NBAS: variants seen among roughly 807,000 people sequenced by gnomAD.
NBAS encodes the protein NAG/BC035112 fusion.
In NBAS, 219 loss-of-function variants were observed where a neutral mutation model predicts 302.5. The observed-to-expected ratio is 0.72, with a 90% CI of 0.65 to 0.81. The LOEUF is 0.81. Among genes scored for constraint, NBAS ranks in the 30% least tolerant of loss-of-function variants. NBAS has a pLI of 0.00. For missense variants in NBAS, 2,932 were observed against 2,841.6 expected, an observed-to-expected ratio of 1.03 and a Z score of -0.72; for synonymous variants, 1,118 against 1,021.6, an observed-to-expected ratio of 1.09 and a Z score of -1.80.
intron 44 of NBAS, among the ~76,000 whole-genome samples, chr2:15,269,986 A>G (rs1486733174): frequency 6.6e-6 from 1 of 152,184 alleles, no homozygotes; most frequent in Non-Finnish European, 1.5e-5. Context: ...CAAAACAACA[A>G]CAGACTGAAT....
chr2:15,316,728 G>A (rs1249313945), intron 38 of NBAS, among the ~76,000 whole-genome samples: 4 of 152,294 alleles, frequency 2.6e-5, no homozygotes, highest in East Asian at 1.9e-4. Context: ...CAGGAAGCGC[G>A]AAGTGGGAGG....
At chr2:15,528,589 C>T (rs766280217) in intron 9 of NBAS, among the ~76,000 whole-genome samples, 2 of 149,582 alleles carry the variant, frequency 1.3e-5, no homozygotes, top group Non-Finnish European at 3.0e-5. Flanking sequence ...ATACACTGGC[C>T]GGGCGTGGTG....
chr2:15,292,507 T>C (rs777646898), intron 41 of NBAS, 30 bp downstream of exon 41: 1 of 1,603,036 alleles, frequency 6.2e-7, no homozygotes, highest in Non-Finnish European at 8.5e-7. Flanking sequence ...TTTAAATCCA[T>C]CCCCTTATGA....
At chr2:15,318,580 G>C (rs549862319) in intron 38 of NBAS, among the ~76,000 whole-genome samples, 105 of 151,884 alleles carry the variant, frequency 6.9e-4, no homozygotes, top group Middle Eastern at 3.4e-3. Context: ...AAGCAAAAAA[G>C]AAAAGCAGGG....
the NBAS span, among the ~76,000 whole-genome samples, chr2:15,073,518 G>A: frequency 6.6e-6 from 1 of 151,662 alleles, no homozygotes; most frequent in African/African-American, 2.4e-5. Context: ...ACCAGTACAG[G>A]GGAAGGCATC....
chr2:14,910,276 C>T, the NBAS span, among the ~76,000 whole-genome samples: 3 of 152,112 alleles, frequency 2.0e-5, no homozygotes, highest in African/African-American at 7.2e-5. Context: ...GCAAAGAGGA[C>T]CAGTTGCCCA....
At position 15,473,252 on chromosome 2, in the gene NBAS, C is replaced by A; in HGVS notation, c.1695G>T (p.Ala565=). The change falls in exon 16 of 52, where the codon GCG becomes GCT. Residue 565 remains alanine, a synonymous_variant. Transcript: ENST00000281513. ...LVYQRQWRKS[A]VNVASIQNYL... is the part of the protein sequence containing the mutation. The stretch of plus-strand genomic sequence containing the variant: ...AATTCTGAATTGAAGCAACGTTGAC[C>A]GCTGACTTCCTCCACTGCCTCTGAT... The A allele has an allele frequency of 1.2e-6, 2 of 1,614,008 alleles. No individual in the cohort carries two copies. The highest frequency in any genetic ancestry group is 2.2e-5 in the South Asian group (2 of 91,078).
the NBAS span, among the ~76,000 whole-genome samples, chr2:14,902,938 G>A: frequency 6.6e-6 from 1 of 152,148 alleles, no homozygotes; most frequent in Non-Finnish European, 1.5e-5. Flanking sequence ...AGAATAGGCA[G>A]TCACATGGGT....
rs1266604516 is a variant in NBAS, at chr2:15,555,721, G to T, written c.209+1062C>A. 2.0e-5 allele frequency among the ~76,000 whole-genome samples: 3 copies of T among 152,112 alleles called. No individual in the cohort carries two copies. The East Asian group carries it at 5.8e-4, about 29-fold the overall frequency. ...ATTTGCAACCTGTACAATGATTCAAGGAAAAAGGCTTCTCAGGAGGAAGGG... is the reference window on the plus strand; with the variant it reads ...ATTTGCAACCTGTACAATGATTCAATGAAAAAGGCTTCTCAGGAGGAAGGG... On this transcript the variant is annotated intron_variant, in intron 3 of 51. Transcript: ENST00000281513.
chr2:14,780,493 G>C, the NBAS span, among the ~76,000 whole-genome samples: 1 of 152,216 alleles, frequency 6.6e-6, no homozygotes, highest in African/African-American at 2.4e-5. Context: ...GGCACTGCCA[G>C]ATGCAAACAT....
chr2:15,283,477 G>T (rs1174871473), intron 42 of NBAS, among the ~76,000 whole-genome samples: 1 of 152,068 alleles, frequency 6.6e-6, no homozygotes, highest in Non-Finnish European at 1.5e-5. Flanking sequence ...TGTATAAGGG[G>T]CTTTTCTCCA....
intron 21 of NBAS, among the ~76,000 whole-genome samples, chr2:15,446,200 A>C (rs995004679): frequency 5.3e-5 from 8 of 152,148 alleles, no homozygotes; most frequent in Non-Finnish European, 1.2e-4. Flanking sequence ...CATAGATCCA[A>C]GGAACTTGAT....
At chr2:14,779,827 T>A in the NBAS span, among the ~76,000 whole-genome samples, 1 of 152,218 alleles carries the variant, frequency 6.6e-6, no homozygotes, top group Admixed American at 6.5e-5. Flanking sequence ...CTGCAAGAGT[T>A]TATTGTATAC....
chr2:14,951,294 G>A, the NBAS span, among the ~76,000 whole-genome samples: 1 of 152,130 alleles, frequency 6.6e-6, no homozygotes, highest in Non-Finnish European at 1.5e-5. Flanking sequence ...CCACATGCTC[G>A]ACCCCCCTCC....
intron 27 of NBAS, 70 bp from the exon 28 acceptor site, chr2:15,394,419 G>C: frequency 6.5e-7 from 1 of 1,538,864 alleles, no homozygotes; most frequent in Non-Finnish European, 8.9e-7. Context: ...CTTAGGCATA[G>C]AGGTAGCCCT....
At chr2:15,430,261 T>TA (rs1677695357) in intron 21 of NBAS, among the ~76,000 whole-genome samples, 1 of 152,166 alleles carries the variant, frequency 6.6e-6, no homozygotes, top group South Asian at 2.1e-4. Flanking sequence ...AAAACAGATA[T>TA]ATAATATACA....
At chr2:15,328,020 T>A (rs955892147) in intron 37 of NBAS, 150 bp from the exon 38 acceptor site, 59 of 1,322,830 alleles carry the variant, frequency 4.5e-5, no homozygotes, top group East Asian at 3.6e-4. Context: ...GAAACATTTT[T>A]AAACAGATTT....
the NBAS span, among the ~76,000 whole-genome samples, chr2:14,921,440 C>T: frequency 6.6e-6 from 1 of 152,138 alleles, no homozygotes; most frequent in Non-Finnish European, 1.5e-5. Flanking sequence ...AAAAAAGTGC[C>T]AATCAACTTC....
chr2:15,031,854 T>A, the NBAS span, among the ~76,000 whole-genome samples: 9 of 152,202 alleles, frequency 5.9e-5, no homozygotes, highest in Non-Finnish European at 1.3e-4. Flanking sequence ...GAGAACTGGC[T>A]GGAGATTATC....
Sources: allele counts gnomAD v4.1 joint callset (sites outside exome capture counted in the v4.1 genomes callset), GRCh38; gene constraint gnomAD v4.1.1; transcripts MANE v1.5; gene names NCBI Gene and HGNC (gene_info 2026-07-23, HGNC 2026-07-21).